Variants in LRBA observed in about 807,000 individuals in gnomAD.
The protein encoded by LRBA is lipopolysaccharide-responsive and beige-like anchor protein.
In LRBA, 176 loss-of-function variants were observed where a neutral mutation model predicts 330.0. The observed-to-expected ratio is 0.53, with a 90% CI of 0.47 to 0.60. The LOEUF (loss-of-function observed/expected upper bound fraction) is 0.60. LRBA is among the 20% of genes least tolerant of loss of function. The pLI is 0.00. For missense variants in LRBA, 3,259 were observed against 3,444.8 expected (o/e 0.95, Z 1.35); for synonymous variants, 1,230 against 1,193.0 (o/e 1.03, Z -0.64).
At chr4:150,322,614 G>A (rs1732667489) in intron 49 of LRBA, among the ~76,000 whole-genome samples, 1 of 152,108 alleles carries the variant, frequency 6.6e-6, no homozygotes, top group South Asian at 2.1e-4. Context: ...TTTTAAAAAA[G>A]TTATTAAGAG....
rs756408523 is a variant in LRBA, at chr4:150,848,870, T to C, written c.4287A>G (p.Glu1429=). Residue 1429 remains glutamate (E), a synonymous_variant, in exon 26 of 57, where the codon GAA becomes GAG. Coordinates refer to ENST00000651943, the MANE Select transcript of LRBA (RefSeq NM_001364905.1). ...CTCCAGATGACATACTTTTTTCAGCTTCAATTTCAGTAAAGCCAAGAGAAC... is the reference window on the plus strand; with the variant it reads ...CTCCAGATGACATACTTTTTTCAGCCTCAATTTCAGTAAAGCCAAGAGAAC... ...FASSLGFTEI[E]AEKSMSSGGI... 5 of 1,612,580 alleles carry C rather than the reference T, an allele frequency of 3.1e-6. No homozygotes were observed. In the Admixed American group the frequency reaches 5.0e-5, roughly 16 times the overall value.
In LRBA at chr4:150,900,107, C is replaced by T. The variant is rs1730558486; in HGVS notation, c.1866G>A (p.Lys622=). 1.2e-6 allele frequency: 2 copies of T among 1,613,518 alleles called. No homozygotes were observed. The highest frequency in any genetic ancestry group is 4.5e-5 in the East Asian group (2 of 44,860). ...GTVLLIMHTL[K]YYYWAVNPQD... ...GAGGATTCACTGCCCAGTAGTAGTA[C>T]TTCAGCGTGTGCATGATGAGAAGCA... The change falls in exon 14 of 57, where the codon AAG becomes AAA. Residue 622 remains lysine (K), a synonymous_variant. Coordinates refer to ENST00000651943, the MANE Select transcript of LRBA (RefSeq NM_001364905.1).
At chr4:150,999,877 G>A (rs1419349012) in intron 2 of LRBA, among the ~76,000 whole-genome samples, 1 of 152,120 alleles carries the variant, frequency 6.6e-6, no homozygotes, top group African/African-American at 2.4e-5. Context: ...CTACTCTTAT[G>A]AAACATAAAC....
At chr4:150,503,569 T>C (rs1170449790) in intron 40 of LRBA, among the ~76,000 whole-genome samples, 5 of 151,604 alleles carry the variant, frequency 3.3e-5, no homozygotes, top group Admixed American at 6.6e-5. Context: ...AGGAAGGACA[T>C]CCACACAAAA....
rs1033583382 is a variant in LRBA at position 150,641,028 on chromosome 4, C to T, written c.5922-41897G>A. Among the ~76,000 whole-genome samples, 5 of 152,228 alleles carry T rather than the reference C, an allele frequency of 3.3e-5. No homozygotes were observed. The South Asian group carries it at 1.0e-3, about 32-fold the overall frequency. ...TCATGGCAATGCCTTGCATCACCTA[C>T]TCCCTATTCTACCATGACTTCCCAT... On this transcript the variant is annotated intron_variant, in intron 37 of 56. Transcript: ENST00000651943.
At chr4:150,510,498 TATTAA>T (rs1761703120) in intron 40 of LRBA, among the ~76,000 whole-genome samples, 1 of 152,204 alleles carries the variant, frequency 6.6e-6, no homozygotes, top group East Asian at 1.9e-4. Flanking sequence ...AAAATAAATA[TATTAA>T]ATGTCTTCTC....
chr4:150,888,743 A>G (rs1729189591), intron 17 of LRBA, among the ~76,000 whole-genome samples: 1 of 152,208 alleles, frequency 6.6e-6, no homozygotes, highest in African/African-American at 2.4e-5. Flanking sequence ...CACTGGGATA[A>G]ATAGAAAACA....
At chr4:150,871,485 T>C (rs1753436141) in intron 18 of LRBA, 32 bp from the exon 19 acceptor site, 2 of 1,345,992 alleles carry the variant, frequency 1.5e-6, no homozygotes, top group Non-Finnish European at 2.1e-6. Flanking sequence ...TCATCAAATG[T>C]AGAGCTTTTC....
chr4:150,844,189 T>G lies in LRBA; in HGVS notation c.4480A>C (p.Thr1494Pro), dbSNP rs751038947. The change falls in exon 28 of 57, where the codon ACT becomes CCT. Residue 1494 changes from threonine (T) to proline (P), a missense_variant. Transcript: ENST00000651943. ...TCTCTTACTGGAGATATACCGCCAG[T>G]CACAATGTCCACTGGGCTCTATTTA... The part of the protein sequence containing the change: ...SAAKSPVDIV[T>P]GGISPVRDLD... 16 of 1,603,564 alleles carry G rather than the reference T, an allele frequency of 1.0e-5. No individual in the cohort carries two copies. In the South Asian group the frequency reaches 1.7e-4, roughly 17 times the overall value.
intron 4 of LRBA, 31 bp from the exon 5 acceptor site, chr4:150,921,324 C>T (rs759409645): frequency 2.0e-4 from 254 of 1,249,574 alleles, no homozygotes; most frequent in Non-Finnish European, 2.4e-5. Flanking sequence ...TCATTAACCA[C>T]ATTATTTACC....
chr4:150,541,396 C>T (rs1765305787), intron 40 of LRBA, among the ~76,000 whole-genome samples: 1 of 152,158 alleles, frequency 6.6e-6, no homozygotes, highest in African/African-American at 2.4e-5. Context: ...TAAGCTGGAA[C>T]ATTGGTTCCT....
chr4:150,512,992 T>C (rs1761988732), intron 40 of LRBA, among the ~76,000 whole-genome samples: 1 of 152,156 alleles, frequency 6.6e-6, no homozygotes, highest in Non-Finnish European at 1.5e-5. Flanking sequence ...ATAGGCTATG[T>C]TAAGTATAGG....
Position 150,805,437 on chromosome 4 carries a change from GGAAGGAAAGGGAAA to G in LRBA, c.5518+820_5518+833del, listed in dbSNP as rs1560841784. 2.8e-4 allele frequency among the ~76,000 whole-genome samples: 24 copies of G among 85,868 alleles called. No homozygotes were observed. The South Asian group carries it at 3.6e-3, about 13-fold the overall frequency. 56.3% of individuals were successfully genotyped at this position (85,868 alleles called of 152,430 possible). On this transcript the variant is annotated intron_variant, in intron 33 of 56. Coordinates refer to ENST00000651943, the MANE Select transcript of LRBA (RefSeq NM_001364905.1). ...GGAAGGGAAAGGAAAGGAAAGGAAAGGAAGGAAAGGGAAAGGAAAGGAAAGGAAAGGAAAGGAAA... is the reference window on the plus strand; with the variant it reads ...GGAAGGGAAAGGAAAGGAAAGGAAAGGGAAAGGAAAGGAAAGGAAAGGAAA...
At chr4:150,343,538 T>C (rs1413448309) in intron 48 of LRBA, among the ~76,000 whole-genome samples, 4 of 152,212 alleles carry the variant, frequency 2.6e-5, no homozygotes, top group African/African-American at 9.6e-5. Flanking sequence ...TTTCCCAGTT[T>C]ATCACTCCCT....
In LRBA at chr4:150,759,876, G is replaced by C. The variant is rs1734838546; in HGVS notation, c.5645+1907C>G. Among the ~76,000 whole-genome samples, 3 of 151,922 alleles carry C rather than the reference G, an allele frequency of 2.0e-5. No individual in the cohort carries two copies. The South Asian group carries it at 6.2e-4, about 32-fold the overall frequency. ...TATCAAAGCTGAAACCTGAACCCAGGGCTATCTTCAAAGCCAATGCTCTTA... is the reference window on the plus strand; with the variant it reads ...TATCAAAGCTGAAACCTGAACCCAGCGCTATCTTCAAAGCCAATGCTCTTA... On this transcript the variant is annotated intron_variant, in intron 35 of 56. Coordinates refer to ENST00000651943, the MANE Select transcript of LRBA (RefSeq NM_001364905.1).
At chr4:150,373,124 CGTGTGTGTGTGTGTGTGT>C (rs70937397) in intron 47 of LRBA, among the ~76,000 whole-genome samples, 9 of 96,368 alleles carry the variant, frequency 9.3e-5, no homozygotes, top group South Asian at 7.9e-4. Flanking sequence ...ACTACAATCT[CGTGTGTGTGTGTGTGTGT>C]GTGTGTGTGT....
At chr4:150,964,556 G>A (rs1738667146) in intron 2 of LRBA, among the ~76,000 whole-genome samples, 2 of 151,132 alleles carry the variant, frequency 1.3e-5, no homozygotes, top group Admixed American at 6.6e-5. Flanking sequence ...CATGTGCTGT[G>A]TCCACTAAGG....
At chr4:150,961,309 A>T (rs1051092537) in intron 2 of LRBA, among the ~76,000 whole-genome samples, 1 of 149,296 alleles carries the variant, frequency 6.7e-6, no homozygotes, top group East Asian at 1.9e-4. Flanking sequence ...CCTTAAAAAG[A>T]ACTCATATTT....
chr4:150,336,887 G>C (rs571263554), intron 48 of LRBA, among the ~76,000 whole-genome samples: 56 of 152,246 alleles, frequency 3.7e-4, no homozygotes, highest in Non-Finnish European at 7.2e-4. Context: ...ATGTTCAGCG[G>C]CACTGTGTTC....
Sources: gnomAD v4.1 joint callset for allele counts (sites outside exome capture counted in the v4.1 genomes callset) on GRCh38, gnomAD v4.1.1 for gene constraint, MANE v1.5 for transcripts, NCBI Gene and HGNC (gene_info 2026-07-23, HGNC 2026-07-21) for gene names.